The following TEK variants were observed in gnomAD, a reference collection of about 807,000 sequenced individuals.
TEK encodes TEK receptor tyrosine kinase.
A neutral mutation model predicts 131.8 loss-of-function variants in TEK; 43 were observed. The ratio of observed to expected loss-of-function variants is 0.33; its 90% CI spans 0.26 to 0.42. TEK has a LOEUF of 0.42. Among genes scored for constraint, TEK ranks in the 10% least tolerant of loss-of-function variants. The pLI, the probability that TEK is intolerant of heterozygous loss-of-function variation, is 1.00. For synonymous variants in TEK, 580 were observed against 491.6 expected (o/e 1.18, Z -2.38); for missense variants, 1,162 against 1,384.4 (o/e 0.84, Z 2.55).
chr9:27,132,039 C>T (rs1219102002), intron 1 of TEK, among the ~76,000 whole-genome samples: 1 of 151,216 alleles, frequency 6.6e-6, no homozygotes, highest in Non-Finnish European at 1.5e-5. Context: ...TGTTCTAAGA[C>T]CTCTGTATTA....
intron 18 of TEK, among the ~76,000 whole-genome samples, chr9:27,215,378 G>A (rs1825783817): frequency 6.6e-6 from 1 of 152,132 alleles, no homozygotes; most frequent in Non-Finnish European, 1.5e-5. Flanking sequence ...GAAAGGTGCA[G>A]TGTGGCAAGA....
At chr9:27,144,145 G>C (rs1231039234) in intron 1 of TEK, among the ~76,000 whole-genome samples, 1 of 152,188 alleles carries the variant, frequency 6.6e-6, no homozygotes, top group African/African-American at 2.4e-5. Context: ...AGCTGGGCGT[G>C]GTGGTGCATG....
At chr9:27,222,324 C>G (rs2131252844) in intron 21 of TEK, among the ~76,000 whole-genome samples, 2 of 152,296 alleles carry the variant, frequency 1.3e-5, no homozygotes, top group South Asian at 4.1e-4. Context: ...CCCAACCTAG[C>G]AAGACAGGCC....
chr9:27,225,740 A>G (rs1196375417), intron 21 of TEK, among the ~76,000 whole-genome samples: 1 of 152,260 alleles, frequency 6.6e-6, no homozygotes, highest in African/African-American at 2.4e-5. Context: ...GACAAATGGG[A>G]TCTAATTAAA....
intron 1 of TEK, among the ~76,000 whole-genome samples, chr9:27,149,933 C>G (rs1424948569): frequency 6.6e-6 from 1 of 152,128 alleles, no homozygotes; most frequent in African/African-American, 2.4e-5. Flanking sequence ...CATCCCACTC[C>G]TGAGACAAAG....
intron 13 of TEK, 58 bp downstream of exon 13, chr9:27,203,177 G>C: frequency 1.9e-6 from 3 of 1,587,914 alleles, no homozygotes; most frequent in Non-Finnish European, 2.6e-6. Context: ...TAGGCAGCTG[G>C]TTTATCAGGA....
chr9:27,192,768 G>C lies in TEK; in HGVS notation c.1624+145G>C, dbSNP rs895896015. 3.5e-6 allele frequency: 3 copies of C among 846,432 alleles called. No individual in the cohort carries two copies. The South Asian group carries it at 4.3e-5, about 12-fold the overall frequency. 52.4% of individuals were successfully genotyped at this position (846,432 alleles called of 1,614,324 possible). A position where few individuals can be genotyped will look rare whatever the true frequency, so the allele number is the denominator to read the frequency against. ...CAGGAGTTCGCTTTTGAATGGGTGG[G>C]AAAGTGACAGGAAGGCTAGCAACTT... is the stretch of plus-strand genomic sequence containing the variant. On this transcript the variant is annotated intron_variant, in intron 11 of 22. Coordinates refer to ENST00000380036, the MANE Select transcript of TEK (RefSeq NM_000459.5).
intron 1 of TEK, among the ~76,000 whole-genome samples, chr9:27,135,109 C>CA (rs11417245): frequency 0.52 from 79,380 of 151,766 alleles, 21,744 homozygotes; most frequent in African/African-American, 0.57. Flanking sequence ...CCTGTAATCC[C>CA]GCTACTTGGG....
At chr9:27,195,349 T>TAA (rs1337663014) in intron 11 of TEK, among the ~76,000 whole-genome samples, 1 of 151,444 alleles carries the variant, frequency 6.6e-6, no homozygotes, top group Non-Finnish European at 1.5e-5. Flanking sequence ...TCTCAACCTT[T>TAA]AAAAAAAAAT....
chr9:27,118,224 C>G (rs114587006), intron 1 of TEK, among the ~76,000 whole-genome samples: 1 of 152,114 alleles, frequency 6.6e-6, no homozygotes, highest in Non-Finnish European at 1.5e-5. Flanking sequence ...CCTTTATGTG[C>G]CAAGTGTTAA....
chr9:27,218,672 C>T lies in TEK; in HGVS notation c.3063-105C>T, dbSNP rs1255030754. On this transcript the variant is annotated intron_variant, in intron 19 of 22. Transcript: ENST00000380036. ...CCTATCCTAGGATGTAGACATTTAA[C>T]ATCTCCTTTTCTCAGAAAGGGTGGG... The T allele has an allele frequency of 4.3e-6, 5 of 1,162,994 alleles. 1 individual carries two copies. The highest frequency in any genetic ancestry group is 1.7e-5 in the Admixed American group (1 of 58,400). 72.0% of individuals were successfully genotyped at this position (1,162,994 alleles called of 1,614,324 possible).
In TEK at chr9:27,229,479, AATAAT is replaced by A; in HGVS notation, c.*251_*255del. On this transcript the variant is annotated 3_prime_UTR_variant, in exon 23 of 23. Coordinates refer to ENST00000380036, the MANE Select transcript of TEK (RefSeq NM_000459.5). ...AATGCCTGTTTGTGGTTTCATATGCAATAATATATTTTTTTAAAAATGTGGACTTC... is the reference window on the plus strand; with the variant it reads ...AATGCCTGTTTGTGGTTTCATATGCAATATTTTTTTAAAAATGTGGACTTC... The A allele has an allele frequency of 1.9e-6, 1 of 528,526 alleles. No homozygotes were observed. The highest frequency in any genetic ancestry group is 3.2e-5 in the East Asian group (1 of 31,280). The allele number at this position is 528,526 out of a possible 1,614,324, so 32.7% of individuals were successfully genotyped here. A position where few individuals can be genotyped will look rare whatever the true frequency, so the allele number is the denominator to read the frequency against.
chr9:27,212,027 CAA>C (rs770785544), intron 16 of TEK, among the ~76,000 whole-genome samples: 3 of 146,908 alleles, frequency 2.0e-5, no homozygotes, highest in Admixed American at 1.3e-4. Flanking sequence ...TGATGTGGAA[CAA>C]AAAAGTGACA....
In TEK at chr9:27,220,855, A is replaced by G. The variant is rs150227253; in HGVS notation, c.3200+710A>G. ...GTTGCAAGCACCAAACTGGGTGGCC[A>G]TTTCGGCAGACACCAAGCTAGCTGC... On this transcript the variant is annotated intron_variant, in intron 21 of 22. Transcript: ENST00000380036. 2.4e-3 allele frequency among the ~76,000 whole-genome samples: 372 copies of G among 152,322 alleles called. 2 individuals are homozygous for G. Among genetic ancestry groups the G allele is most frequent in the African/African-American group, 8.6e-3 (357 of 41,580 alleles).
intron 17 of TEK, 81 bp from the exon 18 acceptor site, chr9:27,213,400 ATTG>A (rs1825704458): frequency 1.0e-6 from 1 of 976,252 alleles, no homozygotes; most frequent in Non-Finnish European, 1.6e-6. Context: ...TTTTTATACT[ATTG>A]TTTTCTTTCC....
chr9:27,136,951 C>T (rs1025017923), intron 1 of TEK, among the ~76,000 whole-genome samples: 3 of 152,118 alleles, frequency 2.0e-5, no homozygotes, highest in Admixed American at 1.3e-4. Context: ...GAGTCTCGCT[C>T]TGTCACCAGG....
At chr9:27,204,375 T>G (rs567938584) in intron 13 of TEK, among the ~76,000 whole-genome samples, 16 of 152,326 alleles carry the variant, frequency 1.1e-4, no homozygotes, top group African/African-American at 3.6e-4. Flanking sequence ...TCCTCTGTCT[T>G]TTCCTGTCTT....
Position 27,216,408 on chromosome 9 carries a change from C to A in TEK, c.2992-1280C>A, listed in dbSNP as rs150602257. 2.6e-5 allele frequency among the ~76,000 whole-genome samples: 4 copies of A among 152,044 alleles called. No homozygotes were observed. In the South Asian group the frequency reaches 8.3e-4, roughly 32 times the overall value. On this transcript the variant is annotated intron_variant, in intron 18 of 22. Coordinates refer to ENST00000380036, the MANE Select transcript of TEK (RefSeq NM_000459.5). ...AATAAATGAAAAAGTGCACAAGGAACTTAACAATTAGGAGGTGTGAGGTTG... is the reference window on the plus strand; with the variant it reads ...AATAAATGAAAAAGTGCACAAGGAAATTAACAATTAGGAGGTGTGAGGTTG...
At chr9:27,215,765 C>T (rs980459769) in intron 18 of TEK, among the ~76,000 whole-genome samples, 1 of 148,294 alleles carries the variant, frequency 6.7e-6, no homozygotes, top group African/African-American at 2.4e-5. Flanking sequence ...TCAAAGAGCT[C>T]GTAGACATAT....
Sources: allele counts gnomAD v4.1 joint callset (sites outside exome capture counted in the v4.1 genomes callset), GRCh38; gene constraint gnomAD v4.1.1; transcripts MANE v1.5; gene names NCBI Gene and HGNC (gene_info 2026-07-23, HGNC 2026-07-21).